Variants in MAMDC4 observed in about 807,000 individuals in gnomAD.
The protein encoded by MAMDC4 is MAM domain containing 4.
Under a neutral mutation model 153.3 loss-of-function variants are expected in MAMDC4, and 168 were observed. The observed-to-expected ratio is 1.10, with a 90% CI of 0.97 to 1.25. The LOEUF (loss-of-function observed/expected upper bound fraction) is 1.25. MAMDC4 is among the 50% of genes most tolerant of loss of function. The pLI is 0.00. For missense variants in MAMDC4, 1,701 were observed against 1,542.8 expected (o/e 1.10, Z -1.72); for synonymous variants, 744 against 651.5 (o/e 1.14, Z -2.16).
chr9:136,858,742 G>A lies in MAMDC4; in HGVS notation c.2845G>A (p.Gly949Ser). Reference sequence around the variant, plus strand: ...AGGCCACTTTGCCTTCTTTGAAACTGGCGTGCTGGGCCCCGGGGGCCGGGC... The same window carrying A: ...AGGCCACTTTGCCTTCTTTGAAACTAGCGTGCTGGGCCCCGGGGGCCGGGC... ...EAGHFAFFET[G>S]VLGPGGRAAW... is the part of the protein sequence containing the mutation. Residue 949 changes from glycine (G) to serine (S), a missense_variant, in exon 23 of 27, where the codon GGC (glycine) becomes AGC (serine). By Grantham distance (56) the Gly-to-Ser change is moderately conservative. Transcript: ENST00000317446. 1 of 1,611,730 alleles carries A rather than the reference G, an allele frequency of 6.2e-7. No individual in the cohort carries two copies. The highest frequency in any genetic ancestry group is 8.5e-7 in the Non-Finnish European group (1 of 1,179,590).
At chr9:136,855,666 G>C (rs1251824991) in intron 12 of MAMDC4, 47 bp downstream of exon 12, 3 of 1,566,650 alleles carry the variant, frequency 1.9e-6, no homozygotes, top group Admixed American at 3.8e-5. Flanking sequence ...GGAGCCAAGG[G>C]GGTAGGCGCC....
Position 136,852,455 on chromosome 9 carries a change from G to T in MAMDC4, c.39G>T (p.Leu13=), listed in dbSNP as rs201584323. 9.3e-6 allele frequency: 15 copies of T among 1,610,168 alleles called. No homozygotes were observed. In the South Asian group the frequency reaches 1.5e-4, roughly 16 times the overall value. Residue 13 remains leucine (L), a synonymous_variant, in exon 1 of 27, where the codon CTG becomes CTT. Coordinates refer to ENST00000317446, the MANE Select transcript of MAMDC4 (RefSeq NM_206920.3). ...LSSHLLPALV[L]FLAGSSGWAW... Reference sequence around the variant, plus strand: ...GCCACCTGCTGCCCGCCTTGGTCCTGTTCCTGGGTAAGTAGTCTGGTCCCA... The same window carrying T: ...GCCACCTGCTGCCCGCCTTGGTCCTTTTCCTGGGTAAGTAGTCTGGTCCCA...
At chr9:136,860,424 G>A in intron 26 of MAMDC4, 138 bp from the exon 27 acceptor site, 2 of 906,102 alleles carry the variant, frequency 2.2e-6, no homozygotes, top group Middle Eastern at 2.2e-4. Context: ...GGGAGGCTGA[G>A]GCAGGAGAAT....
At chr9:136,858,637 G>A in intron 22 of MAMDC4, 82 bp from the exon 23 acceptor site, 4 of 1,595,908 alleles carry the variant, frequency 2.5e-6, no homozygotes, top group South Asian at 2.2e-5. Context: ...ATCCAGAGGA[G>A]GCCCTGCTCA....
At chr9:136,860,246 G>A (rs1204813141) in intron 26 of MAMDC4, among the ~76,000 whole-genome samples, 182 bp downstream of exon 26, 4 of 152,168 alleles carry the variant, frequency 2.6e-5, no homozygotes, top group African/African-American at 7.2e-5. Flanking sequence ...TTGGCCGGGC[G>A]CGGTGGCTCA....
In MAMDC4 at chr9:136,857,671, T is replaced by G. The variant is rs140559332; in HGVS notation, c.2339T>G (p.Val780Gly). The G allele has an allele frequency of 8.4e-4, 1,362 of 1,612,326 alleles. 12 individuals carry two copies. The highest frequency in any genetic ancestry group is 9.9e-4 in the Middle Eastern group (6 of 6,084). The change falls in exon 19 of 27, where the codon GTG becomes GGG. Residue 780 changes from valine (V) to glycine (G), a missense_variant. Transcript: ENST00000317446. ...CTGGCACCTCCAGGGCACTACATGG[T>G]GGTGGACACAAGCCCAGACGCACTA... ...TTETAQGHYM[V>G]VDTSPDALPR...
chr9:136,858,774 G>A lies in MAMDC4; in HGVS notation c.2877G>A (p.Trp959Ter). 1 of 1,610,784 alleles carries A rather than the reference G, an allele frequency of 6.2e-7. No individual in the cohort carries two copies. ...TGGGCCCCGGGGGCCGGGCCGCCTGGCTGCGCAGCGAGCCTCTGCCGGCCA... is the reference window on the plus strand; with the variant it reads ...TGGGCCCCGGGGGCCGGGCCGCCTGACTGCGCAGCGAGCCTCTGCCGGCCA... ...GVLGPGGRAA[W>*]LRSEPLPATP... is the part of the protein sequence containing the mutation. Residue 959 changes from tryptophan to a stop codon, truncating the protein, a stop_gained, in exon 23 of 27, where the codon TGG becomes TGA. Transcript: ENST00000317446. LOFTEE classifies it high-confidence loss of function.
At chr9:136,852,688 GGGA>G (rs1334647507) in intron 1 of MAMDC4, among the ~76,000 whole-genome samples, 1 of 152,190 alleles carries the variant, frequency 6.6e-6, no homozygotes, top group Non-Finnish European at 1.5e-5. Flanking sequence ...CTCCCAGTCT[GGGA>G]CAAGAGGGCT....
chr9:136,859,233 G>C lies in MAMDC4; in HGVS notation c.3109G>C (p.Gly1037Arg). 1 of 1,611,788 alleles carries C rather than the reference G, an allele frequency of 6.2e-7. No homozygotes were observed. The highest frequency in any genetic ancestry group is 8.5e-7 in the Non-Finnish European group (1 of 1,179,326). ...FQIVFEATLG[G>R]QPALGPIALD... ...GATCGTGTTTGAAGCCACTCTGGGCGGCCAGCCAGCCCTGGGGCCCATTGC... is the reference window on the plus strand; with the variant it reads ...GATCGTGTTTGAAGCCACTCTGGGCCGCCAGCCAGCCCTGGGGCCCATTGC... Residue 1037 changes from glycine (G) to arginine (R), a missense_variant, in exon 25 of 27, where the codon GGC becomes CGC. Transcript: ENST00000317446.
chr9:136,860,490 C>A, intron 26 of MAMDC4, 72 bp from the exon 27 acceptor site: 1 of 1,511,602 alleles, frequency 6.6e-7, no homozygotes, highest in Non-Finnish European at 8.9e-7. Context: ...CATTGCACTC[C>A]ATCCTGGTTG....
intron 4 of MAMDC4, 30 bp downstream of exon 4, chr9:136,853,700 G>A: frequency 6.2e-7 from 1 of 1,606,424 alleles, no homozygotes; most frequent in African/African-American, 1.3e-5. Flanking sequence ...GGCTCGTGGG[G>A]GGTGCCCAAG....
chr9:136,859,859 G>C (rs748724480), intron 25 of MAMDC4, 27 bp from the exon 26 acceptor site: 1 of 1,610,366 alleles, frequency 6.2e-7, no homozygotes, highest in African/African-American at 1.3e-5. Flanking sequence ...CTGCTTTGGA[G>C]GGCTCACATG....
At position 136,852,549 on chromosome 9, in the gene MAMDC4, GCTGATGC is replaced by G. The variant is rs540378214; in HGVS notation, c.46+92_46+98del. ...CTGTGTGGCAGTGACGGACACCAGG[GCTGATGC>G]CTGAGCCCCAAAGGGAAGGAGGGTT... On this transcript the variant is annotated intron_variant, in intron 1 of 26. Coordinates refer to ENST00000317446, the MANE Select transcript of MAMDC4 (RefSeq NM_206920.3). The G allele has an allele frequency of 4.8e-4, 707 of 1,483,680 alleles. 2 individuals are homozygous for G. In the African/African-American group the frequency reaches 9.1e-3, roughly 19 times the overall value. The allele number at this position is 1,483,680 out of a possible 1,614,324, so 91.9% of individuals were successfully genotyped here. A position where few individuals can be genotyped will look rare whatever the true frequency, so the allele number is the denominator to read the frequency against.
chr9:136,854,408 C>G (rs1848972939), intron 7 of MAMDC4, 72 bp downstream of exon 7: 1 of 1,494,548 alleles, frequency 6.7e-7, no homozygotes, highest in African/African-American at 1.4e-5. Context: ...GGCACTCATC[C>G]AGGAGGGGGT....
rs201981906 is a variant in MAMDC4 at position 136,855,042 on chromosome 9, C to T, written c.1129C>T (p.Arg377Cys). 4.7e-5 allele frequency: 76 copies of T among 1,607,352 alleles called. No individual in the cohort carries two copies. The highest frequency in any genetic ancestry group is 4.4e-4 in the African/African-American group (33 of 74,746). Reference protein sequence around the residue: ...APRAPVLLRRRRGELGTAWVR... With the variant: ...APRAPVLLRRCRGELGTAWVR... ...CCGGGCCCCCGTCCTGCTGCGGAGG[C>T]GCCGAGGGGAGCTGGGGACCGCCTG... Residue 377 changes from arginine (R) to cysteine (C), a missense_variant, in exon 10 of 27, where the codon CGC becomes TGC. Physicochemically the swap from Arg to Cys is radical, Grantham distance 180. Coordinates refer to ENST00000317446, the MANE Select transcript of MAMDC4 (RefSeq NM_206920.3).
At chr9:136,858,901 G>A (rs1258874968) in intron 23 of MAMDC4, 48 bp downstream of exon 23, 2 of 1,578,460 alleles carry the variant, frequency 1.3e-6, no homozygotes, top group Admixed American at 1.9e-5. Flanking sequence ...GGGCAGCAGG[G>A]GTCCAGGAGC....
rs1031849419 is a variant in MAMDC4 at position 136,857,554 on chromosome 9, C to T, written c.2294C>T (p.Pro765Leu). The change falls in exon 18 of 27, where the codon CCC becomes CTC. Residue 765 changes from proline (P) to leucine (L), a missense_variant. Pro to Leu is a moderately conservative substitution (Grantham distance 98). Transcript: ENST00000317446. Reference sequence around the variant, plus strand: ...GCCTCGGGCCATGCTGCCTGGGGCCCCCCAACAGACCATACCACTGAGACA... The same window carrying T: ...GCCTCGGGCCATGCTGCCTGGGGCCTCCCAACAGACCATACCACTGAGACA... ...ANASGHAAWG[P>L]PTDHTTETAQ... 2 of 1,611,996 alleles carry T rather than the reference C, an allele frequency of 1.2e-6. No homozygotes were observed. Among genetic ancestry groups the T allele is most frequent in the Non-Finnish European group, 1.7e-6 (2 of 1,179,946 alleles).
At position 136,855,096 on chromosome 9, in the gene MAMDC4, G is replaced by T; in HGVS notation, c.1183G>T (p.Ala395Ser). 1 of 1,580,096 alleles carries T rather than the reference G, an allele frequency of 6.3e-7. No individual in the cohort carries two copies. The highest frequency in any genetic ancestry group is 8.6e-7 in the Non-Finnish European group (1 of 1,163,450). The change falls in exon 10 of 27, where the codon GCC becomes TCC. Residue 395 changes from alanine (A) to serine (S), a missense_variant. Ala to Ser is a moderately conservative substitution (Grantham distance 99). Transcript: ENST00000317446. ...WVRDRVDIQS[A>S]YPFQILLAGQ... ...CCGAGACCGTGTTGACATCCAGAGC[G>T]CCTACCCCTTCCAGGTAGGGAACAG... is the stretch of plus-strand genomic sequence containing the variant.
At chr9:136,860,517 G>A (rs566206328) in intron 26 of MAMDC4, 45 bp from the exon 27 acceptor site, 42 of 1,582,658 alleles carry the variant, frequency 2.7e-5, no homozygotes, top group Middle Eastern at 3.3e-4. Flanking sequence ...GCGAAACTCC[G>A]TCTCAGGAAA....
Sources: allele counts gnomAD v4.1 joint callset (sites outside exome capture counted in the v4.1 genomes callset), GRCh38; gene constraint gnomAD v4.1.1; transcripts MANE v1.5; gene names NCBI Gene and HGNC (gene_info 2026-07-23, HGNC 2026-07-21).